Variants in OTOGL observed in about 807,000 individuals in gnomAD.
OTOGL encodes the protein otogelin-like protein.
Under a neutral mutation model 318.5 loss-of-function variants are expected in OTOGL, and 285 were observed. The observed-to-expected ratio is 0.89, with a 90% CI of 0.81 to 0.99. The LOEUF is 0.99. OTOGL is among the 50% of genes least tolerant of loss of function. The probability of loss-of-function intolerance (pLI) is 0.00; values close to 1 mark genes in which losing one functional copy is unlikely to be tolerated. For missense variants in OTOGL, 2,899 were observed against 2,845.6 expected (o/e 1.02, Z -0.43); for synonymous variants, 987 against 936.5 (o/e 1.05, Z -0.99).
In OTOGL at chr12:80,243,737, G is replaced by A. The variant is rs188260324; in HGVS notation, c.1052+4298G>A. Among the ~76,000 whole-genome samples, 901 of 149,746 alleles carry A rather than the reference G, an allele frequency of 6.0e-3. 7 individuals carry two copies. The highest frequency in any genetic ancestry group is 0.024 in the South Asian group (114 of 4,764). On this transcript the variant is annotated intron_variant, in intron 11 of 58. Transcript: ENST00000547103. ...ACCTAATTTGAAATGACAAAATGTC[G>A]AAGCCCTTAGACTATAGAATTATAT...
intron 37 of OTOGL, among the ~76,000 whole-genome samples, chr12:80,329,792 T>C (rs959636291): frequency 2.0e-5 from 3 of 152,206 alleles, no homozygotes; most frequent in Admixed American, 1.3e-4. Flanking sequence ...CAAGCTTTAA[T>C]TGAGCACCAA....
chr12:80,109,472 A>G (rs563822520), intron 1 of OTOGL, among the ~76,000 whole-genome samples: 2 of 152,220 alleles, frequency 1.3e-5, no homozygotes, highest in South Asian at 4.2e-4. Context: ...GTTATGTTGT[A>G]TCTATGCATT....
At chr12:80,267,911 T>G (rs949498320) in intron 22 of OTOGL, among the ~76,000 whole-genome samples, 8 of 151,932 alleles carry the variant, frequency 5.3e-5, no homozygotes, top group African/African-American at 1.9e-4. Flanking sequence ...TTTTTTGTTA[T>G]TAGATAGAAG....
intron 11 of OTOGL, among the ~76,000 whole-genome samples, chr12:80,249,373 C>A (rs1319736304): frequency 6.7e-6 from 1 of 149,906 alleles, no homozygotes; most frequent in Non-Finnish European, 1.5e-5. Flanking sequence ...TTGTTAGTTT[C>A]CCTTCTAACA....
chr12:80,155,371 G>A (rs961822899), intron 1 of OTOGL, among the ~76,000 whole-genome samples: 1 of 151,900 alleles, frequency 6.6e-6, no homozygotes, highest in East Asian at 1.9e-4. Flanking sequence ...AGGCTATCTG[G>A]GTTTTCTCCT....
rs566740685 is a variant in OTOGL at position 80,195,185 on chromosome 12, T to C, written c.-19-14228T>C. ...GATTTATAAACTGAAAAGTCTCATA[T>C]GTCAACAATGAAATCTACTAGAAAC... On this transcript the variant is annotated intron_variant, in intron 1 of 58. Transcript: ENST00000547103. Among the ~76,000 whole-genome samples, 19 of 152,356 alleles carry C rather than the reference T, an allele frequency of 1.2e-4. No homozygotes were observed. In the South Asian group the frequency reaches 3.7e-3, roughly 30 times the overall value.
intron 46 of OTOGL, 80 bp from the exon 47 acceptor site, chr12:80,355,656 A>C: frequency 8.6e-7 from 1 of 1,157,036 alleles, no homozygotes; most frequent in East Asian, 2.5e-5. Context: ...GCCATGTCAC[A>C]GTCTGAAACC....
At position 80,307,701 on chromosome 12, in the gene OTOGL, C is replaced by G. The variant is rs1295015973; in HGVS notation, c.3333+2006C>G. Among the ~76,000 whole-genome samples the G allele has an allele frequency of 3.4e-5, 5 of 145,802 alleles. No individual in the cohort carries two copies. The East Asian group carries it at 8.6e-4, about 25-fold the overall frequency. ...CAGTAGGGGCGGCCAGGCAGAGGCG[C>G]CCCTCACTTCCCGGACGGGGCGGCT... is the stretch of plus-strand genomic sequence containing the variant. On this transcript the variant is annotated intron_variant, in intron 29 of 58. Transcript: ENST00000547103.
chr12:80,147,377 C>G (rs1208882876), intron 1 of OTOGL, among the ~76,000 whole-genome samples: 4 of 148,958 alleles, frequency 2.7e-5, no homozygotes, highest in Non-Finnish European at 5.9e-5. Flanking sequence ...GAGTGAGACT[C>G]TTAATCCTGA....
chr12:80,143,684 G>A (rs1237197672), intron 1 of OTOGL, among the ~76,000 whole-genome samples: 2 of 152,168 alleles, frequency 1.3e-5, no homozygotes, highest in Non-Finnish European at 2.9e-5. Context: ...TGGAGCAGAA[G>A]AAGACGTTTG....
chr12:80,333,063 A>G lies in OTOGL; in HGVS notation c.4407A>G (p.Thr1469=), dbSNP rs745923026. 3 of 1,599,222 alleles carry G rather than the reference A, an allele frequency of 1.9e-6. No individual in the cohort carries two copies. The highest frequency in any genetic ancestry group is 2.7e-5 in the African/African-American group (2 of 74,728). The change falls in exon 38 of 59, where the codon ACA becomes ACG. Residue 1469 remains threonine, a synonymous_variant. Coordinates refer to ENST00000547103, the MANE Select transcript of OTOGL (RefSeq NM_001378609.3). Reference sequence around the variant, plus strand: ...TGTTTGATATGCTAACACCAACTACAGGCTTGGAATGTGAGGTATGACTGA... The same window carrying G: ...TGTTTGATATGCTAACACCAACTACGGGCTTGGAATGTGAGGTATGACTGA... ...ITVFDMLTPT[T]GLECEPQKFD...
intron 4 of OTOGL, among the ~76,000 whole-genome samples, chr12:80,215,099 C>G (rs886699960): frequency 5.3e-5 from 8 of 150,910 alleles, no homozygotes; most frequent in African/African-American, 2.0e-4. Context: ...ATATTTTTAT[C>G]TTGCTTGTGT....
At chr12:80,333,172 T>G in intron 38 of OTOGL, 94 bp downstream of exon 38, 1 of 1,094,828 alleles carries the variant, frequency 9.1e-7, no homozygotes, top group Non-Finnish European at 1.3e-6. Context: ...TAAACTTTTT[T>G]TGATATGTTC....
intron 44 of OTOGL, among the ~76,000 whole-genome samples, chr12:80,345,186 T>G (rs1889109896): frequency 7.2e-6 from 1 of 139,320 alleles, no homozygotes; most frequent in South Asian, 2.1e-4. Context: ...TATTTTATAT[T>G]TATAATGTAT....
intron 11 of OTOGL, among the ~76,000 whole-genome samples, chr12:80,241,544 T>C (rs1880381660): frequency 6.6e-6 from 1 of 152,116 alleles, no homozygotes; most frequent in African/African-American, 2.4e-5. Context: ...AAATTGTTCT[T>C]ATTCCACAGT....
rs772797345 is a variant in OTOGL at position 80,366,644 on chromosome 12, A to C, written c.6331+7A>C. The C allele has an allele frequency of 1.5e-6, 2 of 1,343,684 alleles. No homozygotes were observed. The highest frequency in any genetic ancestry group is 3.7e-5 in the South Asian group (2 of 54,372). 83.2% of individuals were successfully genotyped at this position (1,343,684 alleles called of 1,614,324 possible). A position where few individuals can be genotyped will look rare whatever the true frequency, so the allele number is the denominator to read the frequency against. ...TGCATACAGTATCTCTGTGGTAACT[A>C]TGTCTTTTGTAACTTTTAAATTATA... is the stretch of plus-strand genomic sequence containing the variant. On this transcript the variant is annotated splice_region_variant and intron_variant, in intron 53 of 58. Transcript: ENST00000547103.
intron 4 of OTOGL, among the ~76,000 whole-genome samples, chr12:80,217,164 C>T (rs961377666): frequency 9.9e-5 from 15 of 151,922 alleles, no homozygotes; most frequent in African/African-American, 2.2e-4. Context: ...AACCTATCTG[C>T]GCCTGGAAGT....
chr12:80,295,501 T>C (rs1287375855), intron 26 of OTOGL, among the ~76,000 whole-genome samples: 1 of 152,198 alleles, frequency 6.6e-6, no homozygotes, highest in East Asian at 1.9e-4. Flanking sequence ...ATTTAATGAC[T>C]TTTTCTTACT....
chr12:80,307,850 G>A (rs1361473544), intron 29 of OTOGL, among the ~76,000 whole-genome samples: 18 of 137,628 alleles, frequency 1.3e-4, no homozygotes, highest in African/African-American at 2.7e-4. Context: ...CGGACAGGGC[G>A]GCTGGCCGGG....
Sources: gnomAD v4.1 joint callset for allele counts (sites outside exome capture counted in the v4.1 genomes callset) on GRCh38, gnomAD v4.1.1 for gene constraint, MANE v1.5 for transcripts, NCBI Gene and HGNC (gene_info 2026-07-23, HGNC 2026-07-21) for gene names.